The following SLC2A13 variants were observed in gnomAD, a reference collection of about 807,000 sequenced individuals.
SLC2A13 encodes solute carrier family 2 member 13.
Under a neutral mutation model 64.4 loss-of-function variants are expected in SLC2A13, and 32 were observed. That is an observed-to-expected ratio of 0.50 (90% CI 0.37 to 0.67). The LOEUF is 0.67. Among genes scored for constraint, SLC2A13 ranks in the 30% least tolerant of loss-of-function variants. The pLI is 0.00. For missense variants in SLC2A13, 743 were observed against 829.2 expected (o/e 0.90, Z 1.28); for synonymous variants, 338 against 327.1 (o/e 1.03, Z -0.36).
At chr12:40,021,807 A>G (rs892707264) in intron 3 of SLC2A13, among the ~76,000 whole-genome samples, 2 of 152,346 alleles carry the variant, frequency 1.3e-5, no homozygotes, top group African/African-American at 4.8e-5. Context: ...CTCTAAGTGC[A>G]GCAGATGTCA....
At chr12:39,867,550 T>G (rs375302888) in intron 5 of SLC2A13, among the ~76,000 whole-genome samples, 4 of 152,126 alleles carry the variant, frequency 2.6e-5, no homozygotes, top group East Asian at 1.9e-4. Context: ...ATGAGAGCTC[T>G]GCAATATGGA....
intron 7 of SLC2A13, among the ~76,000 whole-genome samples, chr12:39,826,883 G>GTTTTT (rs1942700701): frequency 6.9e-5 from 3 of 43,180 alleles, no homozygotes; most frequent in Admixed American, 2.5e-4. Flanking sequence ...GCAATGCAAG[G>GTTTTT]TTCTTTATGT....
intron 4 of SLC2A13, among the ~76,000 whole-genome samples, chr12:39,878,596 A>C (rs1445902515): frequency 3.3e-5 from 5 of 152,230 alleles, no homozygotes; most frequent in Non-Finnish European, 2.9e-5. Context: ...GCAACAAAGC[A>C]TTCAAGAAGT....
intron 4 of SLC2A13, among the ~76,000 whole-genome samples, chr12:39,896,382 ATG>A (rs1183603033): frequency 1.2e-4 from 16 of 128,870 alleles, no homozygotes; most frequent in African/African-American, 5.0e-4. Flanking sequence ...ACATATATGT[ATG>A]TATATGTGTA....
intron 3 of SLC2A13, among the ~76,000 whole-genome samples, chr12:40,025,189 T>C (rs916440408): frequency 2.0e-5 from 3 of 152,232 alleles, no homozygotes; most frequent in Non-Finnish European, 2.9e-5. Context: ...TGAGATTCCA[T>C]TGCACTCCAA....
intron 3 of SLC2A13, among the ~76,000 whole-genome samples, chr12:39,975,808 A>G (rs898526237): frequency 1.3e-5 from 2 of 152,170 alleles, no homozygotes; most frequent in African/African-American, 4.8e-5. Context: ...AAATGGATGG[A>G]GCAACTCTAA....
intron 4 of SLC2A13, among the ~76,000 whole-genome samples, chr12:39,911,790 C>A (rs139440812): frequency 6.6e-6 from 1 of 152,092 alleles, no homozygotes; most frequent in East Asian, 1.9e-4. Flanking sequence ...ATTCAATGAG[C>A]CAAAGACGGT....
At chr12:40,022,185 A>C (rs1369616704) in intron 3 of SLC2A13, among the ~76,000 whole-genome samples, 3 of 152,354 alleles carry the variant, frequency 2.0e-5, no homozygotes, top group Admixed American at 6.5e-5. Flanking sequence ...CTTGCTTTCC[A>C]GGCTAGAGAT....
At chr12:40,012,679 T>A (rs1352373979) in intron 3 of SLC2A13, among the ~76,000 whole-genome samples, 1 of 152,232 alleles carries the variant, frequency 6.6e-6, no homozygotes, top group African/African-American at 2.4e-5. Context: ...TTTTCAACAT[T>A]CTTCCAAATG....
intron 7 of SLC2A13, among the ~76,000 whole-genome samples, chr12:39,785,290 C>T (rs921469613): frequency 6.6e-6 from 1 of 152,186 alleles, no homozygotes; most frequent in Non-Finnish European, 1.5e-5. Flanking sequence ...GCTGCTCCAG[C>T]CACAGCTGAA....
At chr12:39,855,055 C>A (rs115770260) in intron 6 of SLC2A13, among the ~76,000 whole-genome samples, 2,431 of 152,286 alleles carry the variant, frequency 0.016, 56 homozygotes, top group African/African-American at 0.055. Flanking sequence ...CAGTAAACTA[C>A]TGGCAACAAC....
intron 7 of SLC2A13, among the ~76,000 whole-genome samples, chr12:39,794,049 A>C (rs1162112488): frequency 6.7e-6 from 1 of 149,814 alleles, no homozygotes. Flanking sequence ...AGAAAGTAAC[A>C]CACTCCCTCT....
chr12:39,946,241 G>A (rs1036867661), intron 4 of SLC2A13, among the ~76,000 whole-genome samples: 9 of 152,184 alleles, frequency 5.9e-5, no homozygotes, highest in Admixed American at 2.6e-4. Flanking sequence ...GGATACCAGC[G>A]CCTGTTCCAG....
At chr12:40,052,317 C>A (rs548703056) in intron 1 of SLC2A13, among the ~76,000 whole-genome samples, 3 of 152,034 alleles carry the variant, frequency 2.0e-5, no homozygotes, top group African/African-American at 7.2e-5. Context: ...ATAAGGTCTT[C>A]GCCAGAATAA....
chr12:39,936,239 G>C lies in SLC2A13; in HGVS notation c.1034+15018C>G, dbSNP rs142321277. 5.8e-3 allele frequency among the ~76,000 whole-genome samples: 879 copies of C among 152,274 alleles called. 10 individuals are homozygous for C. The highest frequency in any genetic ancestry group is 7.5e-3 in the Non-Finnish European group (508 of 68,014). ...CCCCTGCCCTCAAATGCTCAGGCTAGGGTAGGTTCACTTTGATCTTTTTCT... is the reference window on the plus strand; with the variant it reads ...CCCCTGCCCTCAAATGCTCAGGCTACGGTAGGTTCACTTTGATCTTTTTCT... On this transcript the variant is annotated intron_variant, in intron 4 of 9. Coordinates refer to ENST00000280871, the MANE Select transcript of SLC2A13 (RefSeq NM_052885.4).
chr12:39,831,641 TG>T (rs1942853031), intron 6 of SLC2A13, among the ~76,000 whole-genome samples: 1 of 152,072 alleles, frequency 6.6e-6, no homozygotes, highest in African/African-American at 2.4e-5. Context: ...TAGGGCCTGG[TG>T]GGAGGTATTG....
At chr12:40,065,642 T>C (rs1447725527) in intron 1 of SLC2A13, among the ~76,000 whole-genome samples, 1 of 152,114 alleles carries the variant, frequency 6.6e-6, no homozygotes, top group Non-Finnish European at 1.5e-5. Context: ...ATGTTCTATA[T>C]GGCTTGGACA....
At chr12:39,768,027 T>C (rs1235815619) in intron 7 of SLC2A13, among the ~76,000 whole-genome samples, 1 of 152,086 alleles carries the variant, frequency 6.6e-6, no homozygotes, top group Admixed American at 6.6e-5. Flanking sequence ...ATACATCACC[T>C]TTATTAGTTA....
chr12:40,066,962 A>G (rs1201850760), intron 1 of SLC2A13, among the ~76,000 whole-genome samples: 1 of 152,240 alleles, frequency 6.6e-6, no homozygotes, highest in African/African-American at 2.4e-5. Flanking sequence ...AAATAAATTC[A>G]AAGTAAATCA....
Sources: gnomAD v4.1 joint callset for allele counts (sites outside exome capture counted in the v4.1 genomes callset) on GRCh38, gnomAD v4.1.1 for gene constraint, MANE v1.5 for transcripts, NCBI Gene and HGNC (gene_info 2026-07-23, HGNC 2026-07-21) for gene names.